DOCK5: variants seen among roughly 807,000 people sequenced by gnomAD.
The protein encoded by DOCK5 is dedicator of cytokinesis protein 5.
In DOCK5, 142 loss-of-function variants were observed where a neutral mutation model predicts 251.8. The ratio of observed to expected loss-of-function variants is 0.56; its 90% CI spans 0.49 to 0.65. The LOEUF is 0.65. Ranked by LOEUF, DOCK5 falls within the 30% of genes least tolerant of loss-of-function variation. The pLI is 0.00. For synonymous variants in DOCK5, 842 were observed against 835.5 expected (o/e 1.01, Z -0.13); for missense variants, 2,111 against 2,312.3 (o/e 0.91, Z 1.79).
In DOCK5 at chr8:25,332,663, A is replaced by T. The variant is rs761132445; in HGVS notation, c.2062A>T (p.Thr688Ser). The T allele has an allele frequency of 5.0e-6, 8 of 1,612,574 alleles. No homozygotes were observed. The South Asian group carries it at 8.8e-5, about 18-fold the overall frequency. ...NIMMEMSDSE[T>S]YDFLVFDALV... is the part of the protein sequence containing the mutation. ...AATGATGGAAATGTCAGACAGTGAA[A>T]CCTATGACTTCCTTGTGTTTGACGC... Residue 688 changes from threonine (T) to serine (S), a missense_variant, in exon 20 of 52, where the codon ACC (threonine) becomes TCC (serine). By Grantham distance (58) the Thr-to-Ser change is moderately conservative. Coordinates refer to ENST00000276440, the MANE Select transcript of DOCK5 (RefSeq NM_024940.8).
chr8:25,190,775 G>GTTTTTTTTTTTTTTTTTTTTTCTTTTTTT (rs755511798), intron 1 of DOCK5, among the ~76,000 whole-genome samples: 1 of 53,980 alleles, frequency 1.9e-5, no homozygotes, highest in African/African-American at 6.7e-5. Context: ...CTTGGTCATG[G>GTTTTTTTTTTTTTTTTTTTTTCTTTTTTT]GTTTTTTTTT....
At chr8:25,186,413 C>G (rs1209371546) in intron 1 of DOCK5, among the ~76,000 whole-genome samples, 1 of 145,466 alleles carries the variant, frequency 6.9e-6, no homozygotes, top group Non-Finnish European at 1.5e-5. Flanking sequence ...CTCACTCTGT[C>G]GCCCAGGCCG....
intron 37 of DOCK5, chr8:25,376,483 T>A: frequency 1.7e-6 from 1 of 600,756 alleles, no homozygotes; most frequent in Non-Finnish European, 2.1e-6. Flanking sequence ...TATTAATTAT[T>A]AATTCTTGAT....
chr8:25,378,801 AC>A (rs1801011183), intron 38 of DOCK5, among the ~76,000 whole-genome samples: 1 of 152,228 alleles, frequency 6.6e-6, no homozygotes, highest in South Asian at 2.1e-4. Flanking sequence ...TATCGGGGAA[AC>A]CCACCCCCAA....
chr8:25,408,145 C>T lies in DOCK5; in HGVS notation c.5256C>T (p.Pro1752=), dbSNP rs371546616. 6.3e-6 allele frequency: 10 copies of T among 1,583,672 alleles called. No homozygotes were observed. The highest frequency in any genetic ancestry group is 2.7e-5 in the African/African-American group (2 of 73,854). Residue 1752 remains proline, a synonymous_variant, in exon 49 of 52, where the codon CCC becomes CCT. Coordinates refer to ENST00000276440, the MANE Select transcript of DOCK5 (RefSeq NM_024940.8). ...SQVIAEKAPE[P]DLMSPTRKAQ... ...TCATTGCAGAGAAAGCACCAGAACC[C>T]GATTTGATGGTAAAAAACAGAAAAG...
chr8:25,206,028 T>C (rs1465976026), intron 1 of DOCK5, among the ~76,000 whole-genome samples: 2 of 151,794 alleles, frequency 1.3e-5, no homozygotes, highest in Non-Finnish European at 2.9e-5. Context: ...AAAAGTCCAG[T>C]TGGGGTTATT....
At chr8:25,350,774 A>C (rs1800452805) in intron 26 of DOCK5, among the ~76,000 whole-genome samples, 1 of 152,070 alleles carries the variant, frequency 6.6e-6, no homozygotes, top group African/African-American at 2.4e-5. Flanking sequence ...TGTGATACTC[A>C]TTTACTAAGA....
At chr8:25,377,028 CTG>C (rs1800974456) in intron 37 of DOCK5, among the ~76,000 whole-genome samples, 1 of 152,106 alleles carries the variant, frequency 6.6e-6, no homozygotes, top group Admixed American at 6.6e-5. Context: ...TTTTATCTGA[CTG>C]TGTTACTGAT....
chr8:25,235,963 A>C (rs555799399), intron 1 of DOCK5, among the ~76,000 whole-genome samples: 1 of 151,928 alleles, frequency 6.6e-6, no homozygotes, highest in East Asian at 1.9e-4. Flanking sequence ...ATGCCTGTCT[A>C]ATTTTTATAT....
chr8:25,392,726 A>G (rs1586390533), intron 43 of DOCK5, 70 bp from the exon 44 acceptor site: 2 of 1,341,886 alleles, frequency 1.5e-6, no homozygotes, highest in East Asian at 4.8e-5. Flanking sequence ...TTTCCCTGGG[A>G]ATTGACCAAC....
chr8:25,356,386 C>T (rs1337396003), intron 27 of DOCK5, among the ~76,000 whole-genome samples: 3 of 152,026 alleles, frequency 2.0e-5, no homozygotes, highest in Non-Finnish European at 4.4e-5. Context: ...CAATTTGGGG[C>T]TGGGTGCGGT....
At chr8:25,185,384 C>T (rs1008272349) in intron 1 of DOCK5, among the ~76,000 whole-genome samples, 1 of 152,126 alleles carries the variant, frequency 6.6e-6, no homozygotes, top group Admixed American at 6.5e-5. Context: ...TTTCTGCCCC[C>T]CGCTTTCGTA....
At chr8:25,394,671 A>G (rs1801316221) in intron 44 of DOCK5, among the ~76,000 whole-genome samples, 1 of 152,160 alleles carries the variant, frequency 6.6e-6, no homozygotes, top group South Asian at 2.1e-4. Flanking sequence ...GTCTCCAAGG[A>G]AGTGTTGCCT....
rs139179765 is a variant in DOCK5 at position 25,236,421 on chromosome 8, C to T, written c.44-7253C>T. The stretch of plus-strand genomic sequence containing the variant: ...TTGTCCTTATAGTACAGTGTAATTA[C>T]AGAGCATAAGAAAATGAAATCTGTT... On this transcript the variant is annotated intron_variant, in intron 1 of 51. Coordinates refer to ENST00000276440, the MANE Select transcript of DOCK5 (RefSeq NM_024940.8). 7.9e-5 allele frequency among the ~76,000 whole-genome samples: 12 copies of T among 152,214 alleles called. No homozygotes were observed. In the East Asian group the frequency reaches 2.1e-3, roughly 27 times the overall value.
At chr8:25,353,160 G>A (rs907435179) in intron 27 of DOCK5, among the ~76,000 whole-genome samples, 3 of 152,028 alleles carry the variant, frequency 2.0e-5, no homozygotes, top group Non-Finnish European at 4.4e-5. Context: ...AACACAGCAA[G>A]ACCCCATCTC....
At chr8:25,394,024 C>T (rs956518015) in intron 44 of DOCK5, among the ~76,000 whole-genome samples, 1 of 152,100 alleles carries the variant, frequency 6.6e-6, no homozygotes, top group East Asian at 1.9e-4. Context: ...CTCAGGAGTT[C>T]AAGACCACCC....
At chr8:25,271,544 G>T (rs1236397029) in intron 3 of DOCK5, among the ~76,000 whole-genome samples, 2 of 152,166 alleles carry the variant, frequency 1.3e-5, no homozygotes, top group South Asian at 4.1e-4. Flanking sequence ...TGTTTTAATG[G>T]AAATTCTTGG....
intron 1 of DOCK5, among the ~76,000 whole-genome samples, chr8:25,199,634 T>C (rs1033287742): frequency 3.9e-5 from 6 of 152,220 alleles, no homozygotes; most frequent in Non-Finnish European, 8.8e-5. Context: ...CCTCCCGCCT[T>C]GGCCTCCCAA....
At chr8:25,251,247 G>T (rs910236124) in intron 2 of DOCK5, among the ~76,000 whole-genome samples, 3 of 151,400 alleles carry the variant, frequency 2.0e-5, no homozygotes, top group African/African-American at 7.3e-5. Flanking sequence ...ATTGACCGCT[G>T]TTGGAACAAA....
Sources: gnomAD v4.1 joint callset for allele counts (sites outside exome capture counted in the v4.1 genomes callset) on GRCh38, gnomAD v4.1.1 for gene constraint, MANE v1.5 for transcripts, NCBI Gene and HGNC (gene_info 2026-07-23, HGNC 2026-07-21) for gene names.